NAT1: variants seen among roughly 807,000 people sequenced by gnomAD.
NAT1 encodes the protein arylamine N-acetyltransferase 1.
For missense variants in NAT1, 400 were observed against 339.2 expected (o/e 1.18, Z -1.41); for synonymous variants, 144 against 122.6 (o/e 1.17, Z -1.16).
At chr8:18,187,934 TAAAC>T (rs1802810115) in intron 2 of NAT1, among the ~76,000 whole-genome samples, 1 of 60,508 alleles carries the variant, frequency 1.7e-5, no homozygotes, top group Non-Finnish European at 3.7e-5. Context: ...TCTTGTATCT[TAAAC>T]ACACACACAC....
At chr8:18,216,862 T>A (rs1219068658) in intron 1 of NAT1, 8 of 1,493,110 alleles carry the variant, frequency 5.4e-6, no homozygotes, top group Non-Finnish European at 7.3e-6. Flanking sequence ...GAACTCATAA[T>A]TATTTCTTCA....
At chr8:18,202,147 T>C (rs1478112610) in intron 2 of NAT1, among the ~76,000 whole-genome samples, 2 of 152,210 alleles carry the variant, frequency 1.3e-5, no homozygotes, top group Non-Finnish European at 2.9e-5. Context: ...ACCTTATCTT[T>C]GTGTAAGATA....
chr8:18,184,637 C>T (rs1467945317), intron 2 of NAT1, among the ~76,000 whole-genome samples: 1 of 152,062 alleles, frequency 6.6e-6, no homozygotes, highest in Non-Finnish European at 1.5e-5. Flanking sequence ...AATGTTTGTC[C>T]CTTCCCAAAT....
chr8:18,182,901 T>G (rs533253048), intron 2 of NAT1, among the ~76,000 whole-genome samples: 4 of 152,208 alleles, frequency 2.6e-5, no homozygotes, highest in African/African-American at 9.6e-5. Context: ...CTCTAAATAA[T>G]GTCTAATCAT....
intron 2 of NAT1, among the ~76,000 whole-genome samples, chr8:18,178,358 AG>A (rs1203685427): frequency 2.6e-5 from 4 of 152,266 alleles, no homozygotes; most frequent in Admixed American, 2.6e-4. Flanking sequence ...AGAGAATAAA[AG>A]TTTAGTGTGG....
intron 2 of NAT1, 46 bp downstream of exon 2, chr8:18,219,535 G>A (rs772657241): frequency 3.6e-5 from 37 of 1,040,792 alleles, no homozygotes; most frequent in Admixed American, 2.1e-4. Context: ...TCCTAAGCAC[G>A]TTCACTCTGC....
chr8:18,182,056 T>C (rs568434744), intron 2 of NAT1, among the ~76,000 whole-genome samples: 60 of 152,296 alleles, frequency 3.9e-4, no homozygotes, highest in African/African-American at 1.2e-3. Context: ...CTCTCTATGG[T>C]GCCTGGCATT....
chr8:18,200,004 CA>C (rs1803396664), intron 2 of NAT1, among the ~76,000 whole-genome samples: 1 of 152,116 alleles, frequency 6.6e-6, no homozygotes, highest in Admixed American at 6.6e-5. Flanking sequence ...ATTAAAATGT[CA>C]AAAAGTAACA....
intron 2 of NAT1, among the ~76,000 whole-genome samples, chr8:18,181,000 T>A (rs897428500): frequency 6.6e-6 from 1 of 152,120 alleles, no homozygotes; most frequent in African/African-American, 2.4e-5. Flanking sequence ...CTTTTGTAGT[T>A]CTATACACAT....
intron 1 of NAT1, among the ~76,000 whole-genome samples, chr8:18,210,499 ACTT>A (rs112498130): frequency 0.01 from 1,584 of 152,204 alleles, 25 homozygotes; most frequent in African/African-American, 0.035. Context: ...TACTTAAAGG[ACTT>A]GTTGTGAGGA....
intron 2 of NAT1, among the ~76,000 whole-genome samples, chr8:18,195,334 C>T (rs888033916): frequency 2.0e-5 from 3 of 152,178 alleles, no homozygotes; most frequent in African/African-American, 7.2e-5. Context: ...AGTCCCTAAA[C>T]AGAATATTCA....
At chr8:18,209,943 AC>A (rs1486882631), upstream of NAT1, 1 of 151,898 alleles carries the variant, frequency 6.6e-6, no homozygotes, top group Non-Finnish European at 1.5e-5. Context: ...ACAACTCTCC[AC>A]CCTTTTTTAT....
chr8:18,210,766 A>C (rs1374009851), intron 1 of NAT1, among the ~76,000 whole-genome samples: 1 of 152,144 alleles, frequency 6.6e-6, no homozygotes, highest in Non-Finnish European at 1.5e-5. Flanking sequence ...GCCTATGGGA[A>C]TTCCAGAGGG....
chr8:18,178,772 TAGG>T (rs1304449735), intron 2 of NAT1, among the ~76,000 whole-genome samples: 1 of 152,154 alleles, frequency 6.6e-6, no homozygotes, highest in East Asian at 1.9e-4. Flanking sequence ...GAGTGAGTGT[TAGG>T]AGAAGGAATG....
At position 18,219,462 on chromosome 8, in the gene NAT1, T is replaced by C. The variant is rs1413946329; in HGVS notation, c.-34T>C. The C allele has an allele frequency of 1.9e-6, 3 of 1,550,650 alleles. No individual in the cohort carries two copies. The highest frequency in any genetic ancestry group is 4.9e-5 in the East Asian group (2 of 40,880). ...CTGTCTTCTGGATTAAAACTGAAGA[T>C]CAACCTACTTTCAACTTACTAAGAA... is the stretch of plus-strand genomic sequence containing the variant. On this transcript the variant is annotated 5_prime_UTR_variant, in exon 2 of 3. Coordinates refer to ENST00000307719, the MANE Select transcript of NAT1 (RefSeq NM_000662.8).
At chr8:18,207,862 A>C (rs1008684853), upstream of NAT1, among the ~76,000 whole-genome samples, 5 of 152,242 alleles carry the variant, frequency 3.3e-5, no homozygotes, top group Non-Finnish European at 7.3e-5. Context: ...CATGGAATCA[A>C]CCCAAATGCC....
chr8:18,208,942 A>G (rs915919235), upstream of NAT1, among the ~76,000 whole-genome samples: 3 of 152,234 alleles, frequency 2.0e-5, no homozygotes, highest in African/African-American at 4.8e-5. Flanking sequence ...TATTTGGAAG[A>G]TGATTTAAGG....
intron 1 of NAT1, among the ~76,000 whole-genome samples, chr8:18,215,452 C>T (rs1804555644): frequency 6.6e-6 from 1 of 152,166 alleles, no homozygotes; most frequent in Admixed American, 6.5e-5. Context: ...TGGTTCCTTT[C>T]TGTTCATCAT....
intron 2 of NAT1, 128 bp downstream of exon 2, chr8:18,219,617 G>T: frequency 1.8e-6 from 1 of 562,552 alleles, no homozygotes; most frequent in Non-Finnish European, 3.2e-6. Flanking sequence ...TTCTACAAGT[G>T]GATATATAAA....
Sources: gnomAD v4.1 joint callset for allele counts (sites outside exome capture counted in the v4.1 genomes callset) on GRCh38, gnomAD v4.1.1 for gene constraint, MANE v1.5 for transcripts, NCBI Gene and HGNC (gene_info 2026-07-23, HGNC 2026-07-21) for gene names.